PDGFC: variants seen among roughly 807,000 people sequenced by gnomAD.
PDGFC encodes platelet derived growth factor C, also known as platelet-derived growth factor C.
Under a neutral mutation model 35.5 loss-of-function variants are expected in PDGFC, and 12 were observed. The observed-to-expected ratio is 0.34, with a 90% CI of 0.22 to 0.55. PDGFC has a LOEUF of 0.55. Ranked by LOEUF, PDGFC falls within the 20% of genes least tolerant of loss-of-function variation. The probability of loss-of-function intolerance (pLI) is 0.91; values close to 1 mark genes in which losing one functional copy is unlikely to be tolerated. For missense variants in PDGFC, 322 were observed against 412.4 expected (o/e 0.78, Z 1.90); for synonymous variants, 159 against 148.8 (o/e 1.07, Z -0.50).
At chr4:156,795,396 G>A (rs1731413998) in intron 3 of PDGFC, among the ~76,000 whole-genome samples, 1 of 151,882 alleles carries the variant, frequency 6.6e-6, no homozygotes, top group Non-Finnish European at 1.5e-5. Flanking sequence ...TTAACTCAAA[G>A]AAAACCAAAC....
At chr4:156,893,807 C>A (rs938925689) in intron 1 of PDGFC, among the ~76,000 whole-genome samples, 6 of 152,078 alleles carry the variant, frequency 3.9e-5, no homozygotes, top group African/African-American at 1.4e-4. Context: ...AAATTCAAAA[C>A]TTTATCTTAG....
chr4:156,849,789 C>T (rs1729409344), intron 2 of PDGFC, among the ~76,000 whole-genome samples: 1 of 151,978 alleles, frequency 6.6e-6, no homozygotes, highest in Non-Finnish European at 1.5e-5. Context: ...GTAATATGTA[C>T]CTGTGGATAG....
intron 3 of PDGFC, among the ~76,000 whole-genome samples, chr4:156,789,650 A>G (rs1731234363): frequency 6.6e-6 from 1 of 152,182 alleles, no homozygotes; most frequent in African/African-American, 2.4e-5. Context: ...TAATCTGAAG[A>G]AGTAAAGACT....
chr4:156,797,652 CATA>C (rs1279133898), intron 3 of PDGFC, among the ~76,000 whole-genome samples: 2 of 152,132 alleles, frequency 1.3e-5, no homozygotes, highest in Admixed American at 1.3e-4. Context: ...AATAAAATCT[CATA>C]ATGTTTTAAG....
intron 1 of PDGFC, among the ~76,000 whole-genome samples, chr4:156,953,920 T>C (rs1231418815): frequency 6.6e-6 from 1 of 151,926 alleles, no homozygotes; most frequent in African/African-American, 2.4e-5. Flanking sequence ...CTAAATGCCA[T>C]TCCTTCTCAT....
At chr4:156,943,067 C>A (rs957457601) in intron 1 of PDGFC, among the ~76,000 whole-genome samples, 1 of 151,950 alleles carries the variant, frequency 6.6e-6, no homozygotes, top group Non-Finnish European at 1.5e-5. Context: ...GCCCTATAGC[C>A]CAGGAACCTA....
intron 1 of PDGFC, among the ~76,000 whole-genome samples, chr4:156,887,833 T>C (rs570411407): frequency 6.6e-5 from 10 of 151,672 alleles, no homozygotes; most frequent in African/African-American, 2.4e-4. Context: ...AATCTGTCTC[T>C]GTGAAAATCT....
At chr4:156,925,990 C>T (rs898389207) in intron 1 of PDGFC, among the ~76,000 whole-genome samples, 1 of 130,544 alleles carries the variant, frequency 7.7e-6, no homozygotes, top group Admixed American at 9.5e-5. Flanking sequence ...AAGGTCAAGG[C>T]AGCAGAGAGC....
chr4:156,826,899 C>T (rs75690364), intron 2 of PDGFC, among the ~76,000 whole-genome samples: 9,040 of 152,040 alleles, frequency 0.059, 884 homozygotes, highest in African/African-American at 0.21. Flanking sequence ...TGTTTTAGAA[C>T]AAACCAAAGT....
intron 1 of PDGFC, among the ~76,000 whole-genome samples, chr4:156,911,137 A>C (rs547238725): frequency 6.6e-6 from 1 of 152,214 alleles, no homozygotes; most frequent in Non-Finnish European, 1.5e-5. Flanking sequence ...TATTTTCTAA[A>C]TTTTTATGAG....
At chr4:156,849,016 G>A (rs946441791) in intron 2 of PDGFC, among the ~76,000 whole-genome samples, 1 of 151,930 alleles carries the variant, frequency 6.6e-6, no homozygotes. Context: ...TTTGCAAGTA[G>A]GGCAAAATCT....
chr4:156,956,990 A>T (rs1348399648), intron 1 of PDGFC, among the ~76,000 whole-genome samples: 1 of 151,986 alleles, frequency 6.6e-6, no homozygotes, highest in African/African-American at 2.4e-5. Context: ...AATGGCGAGA[A>T]GCTGTTCTGT....
intron 1 of PDGFC, among the ~76,000 whole-genome samples, chr4:156,872,676 C>T (rs1186970207): frequency 2.6e-5 from 4 of 152,142 alleles, no homozygotes; most frequent in Non-Finnish European, 1.5e-5. Context: ...TTATATATTC[C>T]AACATTCCAT....
chr4:156,828,588 ATG>A (rs1203721122), intron 2 of PDGFC, among the ~76,000 whole-genome samples: 1 of 152,118 alleles, frequency 6.6e-6, no homozygotes, highest in Non-Finnish European at 1.5e-5. Context: ...TATAAAAATA[ATG>A]TGTGTATACA....
chr4:156,800,731 C>A (rs531364736), intron 3 of PDGFC, among the ~76,000 whole-genome samples: 3 of 152,278 alleles, frequency 2.0e-5, no homozygotes, highest in Non-Finnish European at 4.4e-5. Context: ...CTAAATAGCT[C>A]ATCAATATTG....
chr4:156,897,753 G>A lies in PDGFC; in HGVS notation c.119-47337C>T, dbSNP rs151010016. The stretch of plus-strand genomic sequence containing the variant: ...AGAGATTCCTATGAGCAACTCAATC[G>A]ACAAACGGAAGATACTCGCTAATGA... On this transcript the variant is annotated intron_variant, in intron 1 of 5. Coordinates refer to ENST00000502773, the MANE Select transcript of PDGFC (RefSeq NM_016205.3). Among the ~76,000 whole-genome samples the A allele has an allele frequency of 3.5e-3, 532 of 152,080 alleles. 4 individuals are homozygous for A. Among genetic ancestry groups the A allele is most frequent in the African/African-American group, 0.012 (501 of 41,506 alleles).
chr4:156,837,453 T>G (rs2111042744), intron 2 of PDGFC, among the ~76,000 whole-genome samples: 1 of 152,174 alleles, frequency 6.6e-6, no homozygotes, highest in Non-Finnish European at 1.5e-5. Context: ...CTACAATAGA[T>G]AACTAGCTAG....
At chr4:156,885,641 C>T (rs1560857047) in intron 1 of PDGFC, among the ~76,000 whole-genome samples, 1 of 152,048 alleles carries the variant, frequency 6.6e-6, no homozygotes, top group Non-Finnish European at 1.5e-5. Context: ...CCTGTAACCC[C>T]ACACCTTTGG....
chr4:156,852,333 G>A (rs560221616), intron 1 of PDGFC, among the ~76,000 whole-genome samples: 2 of 152,248 alleles, frequency 1.3e-5, no homozygotes, highest in African/African-American at 4.8e-5. Flanking sequence ...GTGTAACAGA[G>A]TTTACTAAGT....
Sources: allele counts gnomAD v4.1 joint callset (sites outside exome capture counted in the v4.1 genomes callset), GRCh38; gene constraint gnomAD v4.1.1; transcripts MANE v1.5; gene names NCBI Gene and HGNC (gene_info 2026-07-23, HGNC 2026-07-21).